CPEB2: variants seen among roughly 807,000 people sequenced by gnomAD.
The protein encoded by CPEB2 is cytoplasmic polyadenylation element binding protein 2.
A neutral mutation model predicts 93.6 loss-of-function variants in CPEB2; 56 were observed. The observed-to-expected ratio is 0.60, with a 90% CI of 0.48 to 0.75. The LOEUF is 0.75. CPEB2 is among the 30% of genes least tolerant of loss of function. CPEB2 has a pLI of 0.00. For missense variants in CPEB2, 1,579 were observed against 1,395.1 expected, an observed-to-expected ratio of 1.13 and a Z score of -2.10; for synonymous variants, 764 against 586.3, an observed-to-expected ratio of 1.30 and a Z score of -4.38.
chr4:15,010,592 T>C (rs1177980477), intron 3 of CPEB2: 1 of 152,204 alleles, frequency 6.6e-6, no homozygotes, highest in Non-Finnish European at 1.5e-5. Context: ...GAAATTGATA[T>C]CTTAAAATGT....
intron 4 of CPEB2, among the ~76,000 whole-genome samples, chr4:15,021,691 T>G (rs1303053968): frequency 6.6e-6 from 1 of 152,182 alleles, no homozygotes; most frequent in African/African-American, 2.4e-5. Flanking sequence ...TACCAGTGTT[T>G]CATGAGCAGT....
At chr4:15,050,354 A>C (rs1271410266) in intron 6 of CPEB2, among the ~76,000 whole-genome samples, 1 of 152,116 alleles carries the variant, frequency 6.6e-6, no homozygotes, top group Non-Finnish European at 1.5e-5. Context: ...CTGTGGAAAA[A>C]TTGTTGTCCA....
Position 15,003,415 on chromosome 4 carries a change from G to T in CPEB2, c.742G>T (p.Asp248Tyr). 1 of 1,359,214 alleles carries T rather than the reference G, an allele frequency of 7.4e-7. No individual in the cohort carries two copies. The allele number at this position is 1,359,214 out of a possible 1,614,324, so 84.2% of individuals were successfully genotyped here. ...GCATCAGCAGCACCTCTCGCCGCAGGACTTCGCCCCGCGGCAGCGTCCGGC... is the reference window on the plus strand; with the variant it reads ...GCATCAGCAGCACCTCTCGCCGCAGTACTTCGCCCCGCGGCAGCGTCCGGC... ...LLHQQHLSPQ[D>Y]FAPRQRPADL... The change falls in exon 1 of 12, where the codon GAC (aspartate) becomes TAC (tyrosine). Residue 248 changes from aspartate to tyrosine, a missense_variant. This residue lies in a region of CPEB2 where 1,411 missense variants were observed against 1,056.0 expected (regional missense o/e 1.34). Coordinates refer to ENST00000538197, the MANE Select transcript of CPEB2 (RefSeq NM_001177382.2).
intron 8 of CPEB2, among the ~76,000 whole-genome samples, chr4:15,057,762 A>G (rs1344457891): frequency 6.6e-6 from 1 of 152,186 alleles, no homozygotes; most frequent in African/African-American, 2.4e-5. Context: ...TTGATTTAAA[A>G]GTTTTGATCC....
At chr4:15,026,665 T>C (rs901010856) in intron 4 of CPEB2, among the ~76,000 whole-genome samples, 4 of 152,234 alleles carry the variant, frequency 2.6e-5, no homozygotes, top group African/African-American at 9.6e-5. Context: ...CAGTAAATTA[T>C]TGGTTAAATG....
chr4:15,005,079 G>C (rs1224863330), intron 1 of CPEB2: 5 of 152,240 alleles, frequency 3.3e-5, no homozygotes, highest in Non-Finnish European at 7.3e-5. Context: ...CGGCCCAGGA[G>C]GGAGTCGGGA....
chr4:15,018,763 CTT>C (rs777435213), intron 4 of CPEB2, among the ~76,000 whole-genome samples: 4 of 133,792 alleles, frequency 3.0e-5, no homozygotes, highest in Non-Finnish European at 4.9e-5. Context: ...TTCTCCCAGT[CTT>C]TTTTTTTTTT....
chr4:15,008,492 G>T, intron 3 of CPEB2, 65 bp downstream of exon 3: 1 of 1,036,478 alleles, frequency 9.6e-7, no homozygotes. Flanking sequence ...ATTATGAGTA[G>T]GATTTATTAT....
At position 15,003,936 on chromosome 4, in the gene CPEB2, C is replaced by A. The variant is rs575161447; in HGVS notation, c.1263C>A (p.Gly421=). The A allele has an allele frequency of 8.6e-7, 1 of 1,163,072 alleles. No individual in the cohort carries two copies. The highest frequency in any genetic ancestry group is 1.1e-6 in the Non-Finnish European group (1 of 901,176). 72.0% of individuals were successfully genotyped at this position (1,163,072 alleles called of 1,614,324 possible). The stretch of plus-strand genomic sequence containing the variant: ...CCCAGCCGCAGCCGCAGCCGCCCGG[C>A]TCGTCTGCCACCACCCCGGGCGGCG... ...QPPQPQPQPP[G]SSATTPGGGS... Residue 421 remains glycine, a synonymous_variant, in exon 1 of 12, where the codon GGC becomes GGA. Coordinates refer to ENST00000538197, the MANE Select transcript of CPEB2 (RefSeq NM_001177382.2).
intron 1 of CPEB2, 129 bp downstream of exon 1, chr4:15,004,464 A>G (rs905227898): frequency 7.9e-5 from 50 of 631,884 alleles, no homozygotes; most frequent in Middle Eastern, 4.4e-4. Context: ...CCACTCGCCC[A>G]AGTGAGAGTG....
At chr4:15,059,435 G>T in intron 10 of CPEB2, 134 bp downstream of exon 10, 1 of 473,734 alleles carries the variant, frequency 2.1e-6, no homozygotes. Flanking sequence ...TGCACCAATT[G>T]CTGCTAACTA....
chr4:15,016,911 A>G (rs1484291374), intron 3 of CPEB2, among the ~76,000 whole-genome samples: 1 of 151,996 alleles, frequency 6.6e-6, no homozygotes, highest in East Asian at 1.9e-4. Context: ...AAAAGTAACT[A>G]TAGAAATTAT....
At position 15,054,244 on chromosome 4, in the gene CPEB2, CT is replaced by C. The variant is rs1276732645; in HGVS notation, c.2461+28del. On this transcript the variant is annotated intron_variant, in intron 8 of 11. Transcript: ENST00000538197. The stretch of plus-strand genomic sequence containing the variant: ...TAAGGATTGTTATTGTTAATATTTG[CT>C]AGGAAATTGGTTGTATGAGAGCAAA... 3 of 1,538,024 alleles carry C rather than the reference CT, an allele frequency of 2.0e-6. No homozygotes were observed. The African/African-American group carries it at 4.1e-5, about 21-fold the overall frequency.
At chr4:15,018,242 C>T (rs977514234) in intron 4 of CPEB2, among the ~76,000 whole-genome samples, 23 of 151,864 alleles carry the variant, frequency 1.5e-4, no homozygotes, top group African/African-American at 4.6e-4. Flanking sequence ...CTATAAACTT[C>T]CTTATTGGCA....
At position 15,003,098 on chromosome 4, in the gene CPEB2, C is replaced by G. The variant is rs1352361766; in HGVS notation, c.425C>G (p.Pro142Arg). 3 of 1,533,582 alleles carry G rather than the reference C, an allele frequency of 2.0e-6. No homozygotes were observed. The highest frequency in any genetic ancestry group is 2.5e-5 in the East Asian group (1 of 40,688). 95.0% of individuals were successfully genotyped at this position (1,533,582 alleles called of 1,614,324 possible). ...CTCCTCCCCTCCCAGGACTTCAAAC[C>G]GAGTCTGCACCACCCCTCCTCCTCC... ...THLLPSQDFK[P>R]SLHHPSSSSA... is the part of the protein sequence containing the mutation. The change falls in exon 1 of 12, where the codon CCG (proline) becomes CGG (arginine). Residue 142 changes from proline (P) to arginine (R), a missense_variant. Pro to Arg is a moderately radical substitution (Grantham distance 103, BLOSUM62 -2). Transcript: ENST00000538197.
intron 11 of CPEB2, among the ~76,000 whole-genome samples, chr4:15,064,976 G>A (rs566701578): frequency 1.3e-5 from 2 of 152,102 alleles, no homozygotes; most frequent in South Asian, 4.1e-4. Flanking sequence ...AAGAAAATAT[G>A]CAAAAGATAC....
chr4:15,036,832 T>C (rs897453358), intron 5 of CPEB2, among the ~76,000 whole-genome samples: 4 of 152,324 alleles, frequency 2.6e-5, no homozygotes, highest in East Asian at 3.9e-4. Flanking sequence ...AAAAAAGTTA[T>C]GAGTATCATT....
At chr4:15,022,129 C>T (rs1239223102) in intron 4 of CPEB2, among the ~76,000 whole-genome samples, 1 of 152,078 alleles carries the variant, frequency 6.6e-6, no homozygotes, top group Non-Finnish European at 1.5e-5. Context: ...CTGTGTCAAC[C>T]ATGTGGTTTT....
chr4:15,004,024 C>G lies in CPEB2; in HGVS notation c.1351C>G (p.Pro451Ala), dbSNP rs201132190. Residue 451 changes from proline to alanine, a missense_variant, in exon 1 of 12, where the codon CCC (proline) becomes GCC (alanine). By Grantham distance (27) the Pro-to-Ala change is conservative (BLOSUM62 -1). Around this residue, in one of 2 missense-constraint regions of CPEB2, gnomAD observed 1,411 missense variants for 1,056.0 expected, o/e 1.34. Transcript: ENST00000538197. Reference sequence around the variant, plus strand: ...CCCCGACTCAGAGAACGGCTTCTACCCCGGGCTGCCGTCGTCCATGAACCC... The same window carrying G: ...CCCCGACTCAGAGAACGGCTTCTACGCCGGGCTGCCGTCGTCCATGAACCC... Reference protein sequence around the residue: ...PSPDSENGFYPGLPSSMNPAF... With the variant: ...PSPDSENGFYAGLPSSMNPAF... 5 of 1,562,076 alleles carry G rather than the reference C, an allele frequency of 3.2e-6. No homozygotes were observed. The African/African-American group carries it at 5.7e-5, about 18-fold the overall frequency.
Sources: gnomAD v4.1 joint callset for allele counts (sites outside exome capture counted in the v4.1 genomes callset) on GRCh38, gnomAD v4.1.1 for gene constraint, gnomAD v4.1.1 regional missense constraint, MANE v1.5 for transcripts, NCBI Gene and HGNC (gene_info 2026-07-23, HGNC 2026-07-21) for gene names.